The following CNTN4 variants were observed in gnomAD, a reference collection of about 807,000 sequenced individuals.
The protein encoded by CNTN4 is contactin 4.
CNTN4 carries 77 observed loss-of-function variants against 122.5 expected under a neutral mutation model. That is an observed-to-expected ratio of 0.63 (90% CI 0.52 to 0.76). The LOEUF (loss-of-function observed/expected upper bound fraction) is 0.76, where lower values mean the gene tolerates loss of function less well. Among genes scored for constraint, CNTN4 ranks in the 30% least tolerant of loss-of-function variants. The pLI is 0.00. For synonymous variants in CNTN4, 512 were observed against 447.0 expected, an observed-to-expected ratio of 1.15 and a Z score of -1.83; for missense variants, 1,256 against 1,259.1, an observed-to-expected ratio of 1.00 and a Z score of 0.04.
chr3:2,751,024 A>G (rs1407493834), intron 6 of CNTN4, among the ~76,000 whole-genome samples: 1 of 152,160 alleles, frequency 6.6e-6, no homozygotes, highest in Non-Finnish European at 1.5e-5. Flanking sequence ...GCTTATGGCC[A>G]GGCGCGATGG....
intron 2 of CNTN4, among the ~76,000 whole-genome samples, chr3:2,323,457 A>G (rs1214026618): frequency 6.6e-6 from 1 of 152,158 alleles, no homozygotes; most frequent in Non-Finnish European, 1.5e-5. Context: ...TAACTTTTGT[A>G]CAGACTTTTA....
chr3:2,359,207 T>C (rs1422767440), intron 3 of CNTN4, among the ~76,000 whole-genome samples: 4 of 152,174 alleles, frequency 2.6e-5, no homozygotes, highest in African/African-American at 9.7e-5. Flanking sequence ...CACCATTTAA[T>C]TAGCTGGATG....
intron 4 of CNTN4, among the ~76,000 whole-genome samples, chr3:2,647,148 G>C (rs1042554104): frequency 6.6e-6 from 1 of 152,198 alleles, no homozygotes; most frequent in African/African-American, 2.4e-5. Flanking sequence ...TGGGAAGCCA[G>C]GGTGGGCGGA....
chr3:2,556,935 A>G (rs1159988145), intron 3 of CNTN4, among the ~76,000 whole-genome samples: 1 of 152,152 alleles, frequency 6.6e-6, no homozygotes, highest in Non-Finnish European at 1.5e-5. Context: ...TGCAGCTAAG[A>G]TGTAGTAAAA....
At chr3:2,563,269 A>G (rs2079030516) in intron 3 of CNTN4, among the ~76,000 whole-genome samples, 1 of 152,230 alleles carries the variant, frequency 6.6e-6, no homozygotes, top group Admixed American at 6.5e-5. Context: ...ATCAAACTAT[A>G]CATAAAAAGA....
chr3:2,190,317 G>GTC (rs2037468771), intron 2 of CNTN4, among the ~76,000 whole-genome samples: 1 of 151,288 alleles, frequency 6.6e-6, no homozygotes, highest in South Asian at 2.1e-4. Flanking sequence ...GTGTGTGTGT[G>GTC]TGTGTGTCTT....
At chr3:2,236,050 T>C (rs1396143964) in intron 2 of CNTN4, among the ~76,000 whole-genome samples, 2 of 152,178 alleles carry the variant, frequency 1.3e-5, no homozygotes, top group South Asian at 2.1e-4. Context: ...TCAAGTTGAG[T>C]TTTGAGGGAT....
chr3:2,369,353 T>C (rs1041001242), intron 3 of CNTN4, among the ~76,000 whole-genome samples: 9 of 152,224 alleles, frequency 5.9e-5, no homozygotes, highest in Admixed American at 3.3e-4. Flanking sequence ...ACTGTGCTAA[T>C]CATATTACTA....
chr3:2,658,146 G>A (rs1367295916), intron 4 of CNTN4, among the ~76,000 whole-genome samples: 2 of 151,534 alleles, frequency 1.3e-5, no homozygotes, highest in African/African-American at 2.4e-5. Context: ...GCCAGCCTGT[G>A]CCCTGGGGTG....
chr3:2,251,163 G>T (rs755222838), intron 2 of CNTN4, among the ~76,000 whole-genome samples: 1 of 151,748 alleles, frequency 6.6e-6, no homozygotes, highest in Non-Finnish European at 1.5e-5. Context: ...TGTTAATTTC[G>T]TGATACACCT....
chr3:2,133,015 A>G (rs1370147483), intron 2 of CNTN4, among the ~76,000 whole-genome samples: 1 of 150,706 alleles, frequency 6.6e-6, no homozygotes, highest in Non-Finnish European at 1.5e-5. Flanking sequence ...TGAAACAAAG[A>G]AATAAGAAAT....
intron 2 of CNTN4, among the ~76,000 whole-genome samples, chr3:2,239,257 T>G (rs2039829677): frequency 1.3e-5 from 2 of 152,176 alleles, no homozygotes. Flanking sequence ...TCCTGTGGCA[T>G]TACAGAGTTT....
intron 14 of CNTN4, among the ~76,000 whole-genome samples, chr3:3,008,151 T>G (rs1436503313): frequency 6.6e-6 from 1 of 151,974 alleles, no homozygotes; most frequent in Non-Finnish European, 1.5e-5. Context: ...GAGGTATTAA[T>G]TCTTGGGAGG....
At chr3:2,787,751 G>T (rs1384085820) in intron 6 of CNTN4, among the ~76,000 whole-genome samples, 1 of 151,012 alleles carries the variant, frequency 6.6e-6, no homozygotes, top group Non-Finnish European at 1.5e-5. Flanking sequence ...TGCACAAAGT[G>T]TACTTATCAC....
At chr3:2,640,236 A>G (rs2082841736) in intron 4 of CNTN4, among the ~76,000 whole-genome samples, 1 of 152,232 alleles carries the variant, frequency 6.6e-6, no homozygotes, top group East Asian at 1.9e-4. Context: ...AAATTGAGTA[A>G]CAAAAGCAAA....
chr3:2,636,642 T>C (rs1397186439), intron 4 of CNTN4, among the ~76,000 whole-genome samples: 1 of 152,124 alleles, frequency 6.6e-6, no homozygotes, highest in Non-Finnish European at 1.5e-5. Context: ...ACTCCTAATA[T>C]GAACAGTGAA....
At chr3:2,698,846 T>A (rs1182680862) in intron 4 of CNTN4, among the ~76,000 whole-genome samples, 2 of 152,176 alleles carry the variant, frequency 1.3e-5, no homozygotes, top group African/African-American at 4.8e-5. Flanking sequence ...CGTGAAACTC[T>A]GTCTCTACTA....
chr3:2,120,371 ATAAAT>A (rs2033650152), intron 2 of CNTN4, among the ~76,000 whole-genome samples: 2 of 48,332 alleles, frequency 4.1e-5, no homozygotes, highest in Non-Finnish European at 9.3e-5. Flanking sequence ...ATATATATAT[ATAAAT>A]ATATATATAT....
chr3:2,360,544 C>G (rs1052786438), intron 3 of CNTN4, among the ~76,000 whole-genome samples: 1 of 152,062 alleles, frequency 6.6e-6, no homozygotes, highest in African/African-American at 2.4e-5. Context: ...AAGAACTTCC[C>G]GAGACTGGGT....
Sources: allele counts gnomAD v4.1 joint callset (sites outside exome capture counted in the v4.1 genomes callset), GRCh38; gene constraint gnomAD v4.1.1; transcripts MANE v1.5; gene names NCBI Gene and HGNC (gene_info 2026-07-23, HGNC 2026-07-21).